COP1: variants seen among roughly 807,000 people sequenced by gnomAD.
The protein encoded by COP1 is E3 ubiquitin-protein ligase COP1.
A neutral mutation model predicts 101.3 loss-of-function variants in COP1; 24 were observed. The ratio of observed to expected loss-of-function variants is 0.24; its 90% CI spans 0.17 to 0.33. The LOEUF is 0.33. Ranked by LOEUF, COP1 falls within the 10% of genes least tolerant of loss-of-function variation. The pLI is 1.00. For synonymous variants in COP1, 347 were observed against 341.9 expected, an observed-to-expected ratio of 1.01 and a Z score of -0.17; for missense variants, 663 against 906.2, an observed-to-expected ratio of 0.73 and a Z score of 3.45.
At chr1:176,092,688 A>C (rs751169150) in intron 9 of COP1, among the ~76,000 whole-genome samples, 12 of 152,374 alleles carry the variant, frequency 7.9e-5, no homozygotes, top group Admixed American at 3.3e-4. Context: ...AATCATTTTA[A>C]AGTCCAACAA....
intron 5 of COP1, among the ~76,000 whole-genome samples, chr1:176,151,353 A>AAAAGAAAGAAAGAAAGAAAGAAAG (rs200187869): frequency 1.7e-5 from 2 of 115,992 alleles, no homozygotes; most frequent in African/African-American, 3.6e-5. Flanking sequence ...GAAAGAAAGA[A>AAAAGAAAGAAAGAAAGAAAGAAAG]AAAGAAAGAA....
At chr1:176,036,776 T>C (rs1008238050) in intron 14 of COP1, among the ~76,000 whole-genome samples, 3 of 152,232 alleles carry the variant, frequency 2.0e-5, no homozygotes, top group Non-Finnish European at 2.9e-5. Flanking sequence ...TGTAGGCCAA[T>C]GTAAATATTC....
chr1:176,130,473 G>C (rs1034657283), intron 8 of COP1, among the ~76,000 whole-genome samples: 4 of 151,728 alleles, frequency 2.6e-5, no homozygotes, highest in African/African-American at 9.7e-5. Flanking sequence ...GATTAAAAAG[G>C]TTCTAAGTAT....
At chr1:176,162,715 G>T (rs1694522336) in intron 5 of COP1, among the ~76,000 whole-genome samples, 154 bp downstream of exon 5, 2 of 152,174 alleles carry the variant, frequency 1.3e-5, no homozygotes, top group African/African-American at 4.8e-5. Context: ...CAAAAAGGGG[G>T]AATCTAGCAG....
chr1:176,132,510 T>G (rs1431003975), intron 8 of COP1, among the ~76,000 whole-genome samples: 3 of 150,666 alleles, frequency 2.0e-5, no homozygotes, highest in African/African-American at 4.9e-5. Context: ...TATGTATGTG[T>G]GTGTGTATAT....
At chr1:176,153,726 G>T (rs138889919) in intron 5 of COP1, among the ~76,000 whole-genome samples, 1 of 152,174 alleles carries the variant, frequency 6.6e-6, no homozygotes, top group African/African-American at 2.4e-5. Context: ...CTGTGGGTTT[G>T]TCACAGATGG....
intron 10 of COP1, among the ~76,000 whole-genome samples, chr1:176,082,284 T>TAC (rs148558055): frequency 5.9e-5 from 9 of 152,054 alleles, no homozygotes; most frequent in South Asian, 2.1e-4. Context: ...AGCCCATACA[T>TAC]ACACACACAC....
intron 8 of COP1, among the ~76,000 whole-genome samples, chr1:176,133,358 C>T (rs1385072925): frequency 4.6e-5 from 7 of 151,872 alleles, no homozygotes; most frequent in African/African-American, 1.7e-4. Flanking sequence ...ACTTGATCTG[C>T]AATGCCAATA....
chr1:176,108,432 A>G (rs1684712831), intron 9 of COP1, among the ~76,000 whole-genome samples: 1 of 152,204 alleles, frequency 6.6e-6, no homozygotes, highest in Admixed American at 6.5e-5. Flanking sequence ...CATAGTACTT[A>G]GAATCATTCC....
At chr1:176,110,617 A>G (rs1164405988) in intron 9 of COP1, among the ~76,000 whole-genome samples, 1 of 152,192 alleles carries the variant, frequency 6.6e-6, no homozygotes, top group African/African-American at 2.4e-5. Context: ...GTGTCCTCAG[A>G]GCCTAGTAAA....
chr1:175,954,790 T>C (rs1650401994), intron 18 of COP1, among the ~76,000 whole-genome samples: 1 of 152,044 alleles, frequency 6.6e-6, no homozygotes, highest in Non-Finnish European at 1.5e-5. Flanking sequence ...CAAATAAAAT[T>C]ACCAACTACT....
intron 3 of COP1, among the ~76,000 whole-genome samples, chr1:176,166,936 C>CA (rs1397696797): frequency 6.6e-6 from 1 of 151,746 alleles, no homozygotes; most frequent in East Asian, 1.9e-4. Context: ...GACGCTGTCT[C>CA]AAAAAAATAA....
intron 14 of COP1, among the ~76,000 whole-genome samples, chr1:176,039,537 G>A (rs1670155644): frequency 6.6e-6 from 1 of 151,098 alleles, no homozygotes; most frequent in South Asian, 2.1e-4. Context: ...ACATCAATAA[G>A]GCTCAATTCA....
chr1:176,083,026 C>T (rs1679469539), intron 10 of COP1, among the ~76,000 whole-genome samples: 1 of 152,038 alleles, frequency 6.6e-6, no homozygotes, highest in Admixed American at 6.6e-5. Context: ...GGTATTGAGA[C>T]AAAACTCTTG....
chr1:176,008,028 G>A (rs1663795362), intron 15 of COP1, among the ~76,000 whole-genome samples: 1 of 152,196 alleles, frequency 6.6e-6, no homozygotes, highest in Non-Finnish European at 1.5e-5. Flanking sequence ...GGAGCCAGGT[G>A]CGGGATATAA....
At chr1:175,989,507 T>A (rs1170281829) in intron 15 of COP1, 28 bp from the exon 16 acceptor site, 1 of 1,222,862 alleles carries the variant, frequency 8.2e-7, no homozygotes, top group East Asian at 2.3e-5. Flanking sequence ...TAGATAAATG[T>A]AGTAAATGCA....
At chr1:176,196,368 T>C (rs1405058399) in intron 1 of COP1, among the ~76,000 whole-genome samples, 2 of 151,830 alleles carry the variant, frequency 1.3e-5, no homozygotes, top group Admixed American at 6.6e-5. Context: ...GCTAAACCAT[T>C]CAAGGAAAAA....
intron 16 of COP1, chr1:175,988,669 C>A (rs567292255): frequency 7.5e-5 from 23 of 305,198 alleles, no homozygotes; most frequent in Non-Finnish European, 1.3e-4. Flanking sequence ...ACCGTCTCTA[C>A]TAAAAATACA....
At chr1:176,159,975 T>G (rs1295710944) in intron 5 of COP1, among the ~76,000 whole-genome samples, 4 of 152,188 alleles carry the variant, frequency 2.6e-5, no homozygotes, top group Non-Finnish European at 4.4e-5. Context: ...TCTGTACTTT[T>G]CTGTATGCTG....
Sources: gnomAD v4.1 joint callset for allele counts (sites outside exome capture counted in the v4.1 genomes callset) on GRCh38, gnomAD v4.1.1 for gene constraint, MANE v1.5 for transcripts, NCBI Gene and HGNC (gene_info 2026-07-23, HGNC 2026-07-21) for gene names.